MYO1B: variants seen among roughly 807,000 people sequenced by gnomAD.
MYO1B encodes unconventional myosin-Ib.
Under a neutral mutation model 159.7 loss-of-function variants are expected in MYO1B, and 72 were observed. The observed-to-expected ratio is 0.45, with a 90% CI of 0.37 to 0.55. MYO1B has a LOEUF of 0.55. Among genes scored for constraint, MYO1B ranks in the 20% least tolerant of loss-of-function variants. MYO1B has a pLI of 0.00. For synonymous variants in MYO1B, 468 were observed against 473.8 expected, an observed-to-expected ratio of 0.99 and a Z score of 0.16; for missense variants, 1,062 against 1,364.8, an observed-to-expected ratio of 0.78 and a Z score of 3.50.
In MYO1B at chr2:191,383,494, GTA is replaced by G. The variant is rs372620525; in HGVS notation, c.1353+167_1353+168del. 301 of 65,780 alleles carry G rather than the reference GTA, an allele frequency of 4.6e-3. 4 individuals carry two copies. The highest frequency in any genetic ancestry group is 0.016 in the Middle Eastern group (2 of 124). 4.1% of individuals were successfully genotyped at this position (65,780 alleles called of 1,614,324 possible). On this transcript the variant is annotated intron_variant, in intron 15 of 30. Transcript: ENST00000392318. ...TATATACACACACACATATATATGT[GTA>G]TATATATATATATACACGTACACAC...
At chr2:191,363,922 G>A (rs1693836688) in intron 10 of MYO1B, 47 bp downstream of exon 10, 2 of 1,606,954 alleles carry the variant, frequency 1.2e-6, no homozygotes, top group Non-Finnish European at 1.7e-6. Context: ...AACTTGCTTT[G>A]AACTTCTCCC....
intron 17 of MYO1B, among the ~76,000 whole-genome samples, chr2:191,389,556 C>T (rs749034244): frequency 1.7e-4 from 26 of 152,122 alleles, no homozygotes; most frequent in Admixed American, 1.4e-3. Flanking sequence ...AGTGCCTGTC[C>T]CTTCTTCTAA....
chr2:191,265,191 T>TG (rs1687063438), intron 1 of MYO1B, among the ~76,000 whole-genome samples: 1 of 149,630 alleles, frequency 6.7e-6, no homozygotes, highest in African/African-American at 2.4e-5. Flanking sequence ...GCCCCTGTTT[T>TG]TTTTTTTTTT....
In MYO1B at chr2:191,341,514, G is replaced by C. The variant is rs757088424; in HGVS notation, c.400G>C (p.Glu134Gln). 1.1e-5 allele frequency: 18 copies of C among 1,614,060 alleles called. No homozygotes were observed. Among genetic ancestry groups the C allele is most frequent in the Middle Eastern group, 1.6e-4 (1 of 6,062 alleles). ...GGCAGCTGTTTGTGGAAAAGGAGCA[G>C]AAGTTAATCAAGTTAAAGAACAGCT... ...YVAAVCGKGA[E>Q]VNQVKEQLLQ... Residue 134 changes from glutamate (E) to glutamine (Q), a missense_variant, in exon 5 of 31, where the codon GAA (glutamate) becomes CAA (glutamine). Coordinates refer to ENST00000392318, the MANE Select transcript of MYO1B (RefSeq NM_001130158.3).
At chr2:191,287,135 C>T (rs1688421166) in intron 2 of MYO1B, among the ~76,000 whole-genome samples, 1 of 152,054 alleles carries the variant, frequency 6.6e-6, no homozygotes, top group African/African-American at 2.4e-5. Context: ...TTATGGAATG[C>T]TTGCTGTGGG....
intron 11 of MYO1B, among the ~76,000 whole-genome samples, chr2:191,367,846 A>G (rs370149663): frequency 2.6e-5 from 4 of 152,250 alleles, no homozygotes; most frequent in South Asian, 2.1e-4. Context: ...AAGTACATCT[A>G]TAGACTAACT....
intron 1 of MYO1B, among the ~76,000 whole-genome samples, chr2:191,258,152 ACT>A (rs1036474052): frequency 6.6e-6 from 1 of 152,216 alleles, no homozygotes; most frequent in African/African-American, 2.4e-5. Flanking sequence ...CTTAACACAA[ACT>A]TAGATGGGAC....
intron 12 of MYO1B, among the ~76,000 whole-genome samples, chr2:191,370,022 C>A (rs1694258334): frequency 6.6e-6 from 1 of 152,138 alleles, no homozygotes; most frequent in Non-Finnish European, 1.5e-5. Context: ...CTAATGCCTT[C>A]TTTAAATATA....
At chr2:191,290,530 C>G (rs569624411) in intron 2 of MYO1B, among the ~76,000 whole-genome samples, 1 of 152,050 alleles carries the variant, frequency 6.6e-6, no homozygotes, top group Non-Finnish European at 1.5e-5. Context: ...ATATTAGAAT[C>G]GAACAAAAAA....
At chr2:191,269,458 A>T (rs1284584506) in intron 1 of MYO1B, among the ~76,000 whole-genome samples, 5 of 146,840 alleles carry the variant, frequency 3.4e-5, no homozygotes, top group Non-Finnish European at 7.6e-5. Flanking sequence ...TGCTATGAAC[A>T]TGGGTGTACC....
At chr2:191,345,125 A>G (rs1692484200) in intron 5 of MYO1B, among the ~76,000 whole-genome samples, 1 of 152,072 alleles carries the variant, frequency 6.6e-6, no homozygotes, top group Non-Finnish European at 1.5e-5. Context: ...TGTTCACCAC[A>G]TTATTCATTC....
intron 1 of MYO1B, among the ~76,000 whole-genome samples, chr2:191,273,733 A>G (rs1209467063): frequency 6.6e-6 from 1 of 152,154 alleles, no homozygotes; most frequent in Non-Finnish European, 1.5e-5. Context: ...GGAAGGGAGG[A>G]GGTAGATCTA....
chr2:191,368,471 C>T (rs1037292383), intron 11 of MYO1B, among the ~76,000 whole-genome samples: 3 of 152,118 alleles, frequency 2.0e-5, no homozygotes, highest in Non-Finnish European at 4.4e-5. Flanking sequence ...TCTGGGCACT[C>T]GGTGCATTTA....
chr2:191,391,078 C>T (rs933025367), intron 18 of MYO1B, among the ~76,000 whole-genome samples: 30 of 152,234 alleles, frequency 2.0e-4, no homozygotes, highest in African/African-American at 7.2e-4. Flanking sequence ...CCCAGTGGTG[C>T]ATCCCCATGT....
At chr2:191,246,138 C>T (rs1276395009) in intron 1 of MYO1B, 1 of 152,398 alleles carries the variant, frequency 6.6e-6, no homozygotes, top group Admixed American at 6.5e-5. Flanking sequence ...TGTGGGCCTC[C>T]CTGCGCGTGC....
intron 27 of MYO1B, 22 bp downstream of exon 27, chr2:191,411,194 C>A: frequency 6.9e-7 from 1 of 1,448,718 alleles, no homozygotes; most frequent in Non-Finnish European, 9.4e-7. Context: ...TTGCTTTACC[C>A]ATAAAATTCA....
At chr2:191,277,786 A>T (rs563439056) in intron 2 of MYO1B, among the ~76,000 whole-genome samples, 8 of 152,334 alleles carry the variant, frequency 5.3e-5, no homozygotes, top group Non-Finnish European at 7.3e-5. Context: ...GCTGAGAAGG[A>T]AACAGAATGT....
intron 2 of MYO1B, among the ~76,000 whole-genome samples, chr2:191,282,984 G>A (rs1688155460): frequency 6.6e-6 from 1 of 152,240 alleles, no homozygotes; most frequent in South Asian, 2.1e-4. Flanking sequence ...TAGCTTTGGT[G>A]TTTGAAACGG....
At chr2:191,275,255 T>G (rs1411726106) in intron 1 of MYO1B, among the ~76,000 whole-genome samples, 1 of 152,214 alleles carries the variant, frequency 6.6e-6, no homozygotes, top group Non-Finnish European at 1.5e-5. Flanking sequence ...ATAAAAAACA[T>G]ACAGTAACAA....
Sources: allele counts gnomAD v4.1 joint callset (sites outside exome capture counted in the v4.1 genomes callset), GRCh38; gene constraint gnomAD v4.1.1; transcripts MANE v1.5; gene names NCBI Gene and HGNC (gene_info 2026-07-23, HGNC 2026-07-21).